SLC36A1: variants seen among roughly 807,000 people sequenced by gnomAD.
SLC36A1 encodes proton-coupled amino acid transporter 1.
In SLC36A1, 30 loss-of-function variants were observed where a neutral mutation model predicts 47.5. The observed-to-expected ratio is 0.63, with a 90% CI of 0.47 to 0.86. SLC36A1 has a LOEUF of 0.86. Ranked by LOEUF, SLC36A1 falls within the 40% of genes least tolerant of loss-of-function variation. The pLI, the probability that SLC36A1 is intolerant of heterozygous loss-of-function variation, is 0.00. For missense variants in SLC36A1, 517 were observed against 606.0 expected (o/e 0.85, Z 1.54); for synonymous variants, 255 against 249.7 (o/e 1.02, Z -0.20).
the SLC36A1 span, chr5:151,521,149 G>T: frequency 1.1e-6 from 1 of 900,028 alleles, no homozygotes; most frequent in South Asian, 1.8e-5. Flanking sequence ...ATGGTGATTG[G>T]TGGCCTTTGG....
chr5:151,386,624 C>T, the SLC36A1 span, among the ~76,000 whole-genome samples: 1 of 152,044 alleles, frequency 6.6e-6, no homozygotes, highest in Admixed American at 6.6e-5. Flanking sequence ...ATCAAAAAGC[C>T]CTGACTTTCC....
chr5:151,379,708 A>G, the SLC36A1 span, among the ~76,000 whole-genome samples: 7 of 152,178 alleles, frequency 4.6e-5, no homozygotes, highest in Admixed American at 2.6e-4. Context: ...TTAACTTAAC[A>G]CAATATACCC....
At chr5:151,507,538 C>T in the SLC36A1 span, 2 of 1,614,060 alleles carry the variant, frequency 1.2e-6, no homozygotes, top group Non-Finnish European at 1.7e-6. Flanking sequence ...TCCTGCTGCC[C>T]CCAGTCCCCC....
chr5:151,392,447 T>A, the SLC36A1 span, among the ~76,000 whole-genome samples: 1 of 152,206 alleles, frequency 6.6e-6, no homozygotes, highest in Non-Finnish European at 1.5e-5. Flanking sequence ...CTGCTAGCTT[T>A]TGAATGTGTT....
rs189831697 is a variant in SLC36A1, at chr5:151,460,722, T to A, written c.143+1787T>A. On this transcript the variant is annotated intron_variant, in intron 2 of 10. Transcript: ENST00000243389. ...AGGTATGATTAAGGTAGAGGTTGAT[T>A]TGGAGGACCTTCTTAACCTAAATTA... Among the ~76,000 whole-genome samples, 49 of 151,918 alleles carry A rather than the reference T, an allele frequency of 3.2e-4. 1 individual carries two copies. The highest frequency in any genetic ancestry group is 1.0e-3 in the African/African-American group (42 of 41,362).
chr5:151,475,329 T>C (rs996544745), intron 8 of SLC36A1, among the ~76,000 whole-genome samples: 3 of 152,240 alleles, frequency 2.0e-5, no homozygotes, highest in African/African-American at 7.2e-5. Context: ...GCGCAGAAAT[T>C]GTTTGCTTGG....
the SLC36A1 span, chr5:151,506,066 A>AG: frequency 1.3e-6 from 2 of 1,542,636 alleles, no homozygotes; most frequent in Non-Finnish European, 1.7e-6. Flanking sequence ...TGGAGTAAGT[A>AG]GGGGGCCAGA....
At chr5:151,509,050 G>A in the SLC36A1 span, among the ~76,000 whole-genome samples, 1 of 152,144 alleles carries the variant, frequency 6.6e-6, no homozygotes, top group African/African-American at 2.4e-5. Flanking sequence ...AGGAATGACA[G>A]TTTCCCTTGC....
chr5:151,458,339 ATT>A (rs1491175341), intron 1 of SLC36A1, among the ~76,000 whole-genome samples: 7,486 of 105,790 alleles, frequency 0.071, 212 homozygotes, highest in African/African-American at 0.087. Flanking sequence ...TATATGGGAT[ATT>A]TATATATATA....
chr5:151,526,150 C>A, the SLC36A1 span, among the ~76,000 whole-genome samples: 2 of 152,174 alleles, frequency 1.3e-5, no homozygotes, highest in African/African-American at 4.8e-5. Context: ...ACTTTGCTGT[C>A]TAGACCAGGA....
At chr5:151,543,599 T>G in the SLC36A1 span, 2 of 1,614,240 alleles carry the variant, frequency 1.2e-6, no homozygotes, top group Admixed American at 3.3e-5. Flanking sequence ...TAGGGACCAC[T>G]ATCTTTGTCT....
intron 1 of SLC36A1, among the ~76,000 whole-genome samples, chr5:151,438,266 T>C (rs1759892003): frequency 1.3e-5 from 2 of 152,312 alleles, no homozygotes; most frequent in Admixed American, 6.5e-5. Context: ...CTTAAAAGTG[T>C]CTCCACTTGA....
At chr5:151,525,860 C>T in the SLC36A1 span, 26 of 1,614,092 alleles carry the variant, frequency 1.6e-5, no homozygotes, top group African/African-American at 1.1e-4. Context: ...AAGGCAGAGC[C>T]GTTGTTCCCC....
the SLC36A1 span, chr5:151,538,039 G>A: frequency 3.5e-6 from 4 of 1,135,548 alleles, no homozygotes; most frequent in South Asian, 1.6e-5. Flanking sequence ...GGCAGAAGCA[G>A]AAAGAGAGAC....
At chr5:151,393,746 C>G in the SLC36A1 span, among the ~76,000 whole-genome samples, 1 of 152,150 alleles carries the variant, frequency 6.6e-6, no homozygotes, top group East Asian at 1.9e-4. Flanking sequence ...TCTCTTCTGG[C>G]TTGTAGAGTT....
the SLC36A1 span, among the ~76,000 whole-genome samples, chr5:151,379,616 G>A: frequency 6.6e-6 from 1 of 152,204 alleles, no homozygotes; most frequent in Non-Finnish European, 1.5e-5. Flanking sequence ...ACAGGCATGA[G>A]CCACCGTGCC....
At chr5:151,499,711 T>A in the SLC36A1 span, among the ~76,000 whole-genome samples, 2 of 152,152 alleles carry the variant, frequency 1.3e-5, no homozygotes, top group Admixed American at 6.5e-5. Context: ...CTGTAAAGGC[T>A]TGAAAACCAC....
At chr5:151,505,356 T>G in the SLC36A1 span, 1 of 622,682 alleles carries the variant, frequency 1.6e-6, no homozygotes. Context: ...GGGACCCTAG[T>G]GCTGTTTCTG....
the SLC36A1 span, among the ~76,000 whole-genome samples, chr5:151,551,976 G>GGGGTGTGTGTGT: frequency 2.8e-5 from 4 of 143,648 alleles, no homozygotes; most frequent in East Asian, 4.0e-4. Flanking sequence ...TAACCCTAAG[G>GGGGTGTGTGTGT]GTGTGTGTGT....
Sources: allele counts gnomAD v4.1 joint callset (sites outside exome capture counted in the v4.1 genomes callset), GRCh38; gene constraint gnomAD v4.1.1; transcripts MANE v1.5; gene names NCBI Gene and HGNC (gene_info 2026-07-23, HGNC 2026-07-21).